NAAA: variants seen among roughly 807,000 people sequenced by gnomAD.
The protein encoded by NAAA is N-acylethanolamine acid amidase.
NAAA carries 39 observed loss-of-function variants against 44.8 expected under a neutral mutation model. The ratio of observed to expected loss-of-function variants is 0.87; its 90% confidence interval spans 0.67 to 1.14. NAAA has a LOEUF of 1.14. Ranked by LOEUF, NAAA falls within the 50% of genes most tolerant of loss-of-function variation. NAAA has a pLI of 0.00. For missense variants in NAAA, 460 were observed against 467.8 expected (o/e 0.98, Z 0.15); for synonymous variants, 178 against 191.3 (o/e 0.93, Z 0.58).
chr4:75,929,603 C>T (rs2149270516), intron 4 of NAAA, among the ~76,000 whole-genome samples: 1 of 152,220 alleles, frequency 6.6e-6, no homozygotes, highest in East Asian at 1.9e-4. Flanking sequence ...TAATTATAGG[C>T]ATTCTATTAA....
At chr4:75,911,737 C>T (rs1280831972), downstream of NAAA, among the ~76,000 whole-genome samples, 1 of 152,124 alleles carries the variant, frequency 6.6e-6, no homozygotes, top group Non-Finnish European at 1.5e-5. Context: ...TTGGGGAAGT[C>T]ACAAATCTTT....
At chr4:75,934,526 A>G (rs1727537882) in intron 3 of NAAA, among the ~76,000 whole-genome samples, 1 of 145,888 alleles carries the variant, frequency 6.9e-6, no homozygotes, top group East Asian at 2.0e-4. Context: ...ACGGGGTTTC[A>G]CCACATTGGC....
chr4:75,914,831 C>A lies in NAAA; in HGVS notation c.*36+37G>T, dbSNP rs570827001. Reference sequence around the variant, plus strand: ...TCTGTAAGAAATACCAGCACACACCCACCTCACCCCCTCTCCACAAAACAG... The same window carrying A: ...TCTGTAAGAAATACCAGCACACACCAACCTCACCCCCTCTCCACAAAACAG... On this transcript the variant is annotated intron_variant, in intron 10 of 10. Coordinates refer to ENST00000286733, the MANE Select transcript of NAAA (RefSeq NM_014435.4). 2.5e-4 allele frequency: 365 copies of A among 1,483,372 alleles called. 3 individuals carry two copies. The South Asian group carries it at 3.7e-3, about 15-fold the overall frequency. The allele number at this position is 1,483,372 out of a possible 1,614,324, so 91.9% of individuals were successfully genotyped here.
At chr4:75,925,896 T>C in intron 4 of NAAA, 85 bp from the exon 5 acceptor site, 2 of 1,287,942 alleles carry the variant, frequency 1.6e-6, no homozygotes, top group Non-Finnish European at 2.2e-6. Context: ...CAAGGAAATA[T>C]AGAGAGATAT....
At chr4:75,920,539 G>A (rs774749431) in intron 7 of NAAA, among the ~76,000 whole-genome samples, 199 bp downstream of exon 7, 8 of 152,008 alleles carry the variant, frequency 5.3e-5, no homozygotes, top group Non-Finnish European at 7.4e-5. Context: ...CCCAACACCC[G>A]CCCAGCTGCT....
At chr4:75,915,739 C>G (rs1462762637) in intron 9 of NAAA, among the ~76,000 whole-genome samples, 1 of 152,182 alleles carries the variant, frequency 6.6e-6, no homozygotes, top group African/African-American at 2.4e-5. Context: ...AGGAGGGCCT[C>G]TAAAGCTCCA....
intron 2 of NAAA, 116 bp from the exon 3 acceptor site, chr4:75,936,351 T>C (rs1251910058): frequency 8.9e-7 from 1 of 1,125,512 alleles, no homozygotes; most frequent in Non-Finnish European, 1.3e-6. Context: ...TCCTTATAAC[T>C]GATATATGTG....
chr4:75,926,882 T>C (rs1396735259), intron 4 of NAAA, among the ~76,000 whole-genome samples: 1 of 152,036 alleles, frequency 6.6e-6, no homozygotes, highest in Non-Finnish European at 1.5e-5. Flanking sequence ...CACATGCCTG[T>C]AGTCCCAGCT....
At chr4:75,938,703 G>C (rs1359140159) in intron 2 of NAAA, among the ~76,000 whole-genome samples, 4 of 152,194 alleles carry the variant, frequency 2.6e-5, no homozygotes, top group Non-Finnish European at 5.9e-5. Context: ...AAGCTAGTCT[G>C]CTGGCAAAAC....
intron 4 of NAAA, among the ~76,000 whole-genome samples, chr4:75,928,488 T>TGG (rs1726934814): frequency 6.6e-6 from 1 of 152,166 alleles, no homozygotes; most frequent in African/African-American, 2.4e-5. Context: ...GGTGCCATTT[T>TGG]CTGAGACATG....
intron 5 of NAAA, among the ~76,000 whole-genome samples, chr4:75,922,151 T>A (rs1395298298): frequency 6.6e-6 from 1 of 152,122 alleles, no homozygotes; most frequent in Non-Finnish European, 1.5e-5. Context: ...TATTGGTGTC[T>A]GCAAAGGCTC....
chr4:75,918,700 CGTGA>C, intron 9 of NAAA, 57 bp downstream of exon 9: 3 of 1,562,612 alleles, frequency 1.9e-6, no homozygotes, highest in Non-Finnish European at 2.6e-6. Flanking sequence ...CCAAACAGTA[CGTGA>C]GTGAGTTCAC....
chr4:75,939,979 C>T, intron 2 of NAAA, 22 bp downstream of exon 2: 2 of 1,611,062 alleles, frequency 1.2e-6, no homozygotes, highest in Non-Finnish European at 1.7e-6. Context: ...CGCGTTACTC[C>T]GCGCGGGCTT....
intron 3 of NAAA, chr4:75,935,880 G>GAAA (rs768573148): frequency 2.9e-5 from 17 of 590,846 alleles, no homozygotes; most frequent in Non-Finnish European, 4.7e-5. Context: ...TTTCCCTATG[G>GAAA]AAAACTGGGT....
intron 3 of NAAA, among the ~76,000 whole-genome samples, chr4:75,931,509 A>G (rs1727229703): frequency 6.6e-6 from 1 of 151,994 alleles, no homozygotes; most frequent in African/African-American, 2.4e-5. Flanking sequence ...ATTTTAGTAG[A>G]TTTGTGACCT....
At chr4:75,938,961 T>C (rs535013976) in intron 2 of NAAA, among the ~76,000 whole-genome samples, 4 of 152,310 alleles carry the variant, frequency 2.6e-5, no homozygotes, top group African/African-American at 9.6e-5. Context: ...GTGATTCTCC[T>C]GCCTCGGCCT....
At chr4:75,918,145 A>C (rs2149245886) in intron 9 of NAAA, among the ~76,000 whole-genome samples, 1 of 152,298 alleles carries the variant, frequency 6.6e-6, no homozygotes, top group Admixed American at 6.5e-5. Context: ...ATGGAAGGCC[A>C]AGTTTGAATT....
intron 5 of NAAA, among the ~76,000 whole-genome samples, chr4:75,923,797 C>G (rs1726398680): frequency 6.6e-6 from 1 of 152,170 alleles, no homozygotes; most frequent in Non-Finnish European, 1.5e-5. Flanking sequence ...CTCGGCCTCC[C>G]AAAGTGCTGG....
At chr4:75,937,490 T>C (rs1412067639) in intron 2 of NAAA, among the ~76,000 whole-genome samples, 1 of 11,866 alleles carries the variant, frequency 8.4e-5, no homozygotes, top group African/African-American at 2.9e-4. Flanking sequence ...GTTTCTGTTA[T>C]TTATTTATTT....
Sources: gnomAD v4.1 joint callset for allele counts (sites outside exome capture counted in the v4.1 genomes callset) on GRCh38, gnomAD v4.1.1 for gene constraint, MANE v1.5 for transcripts, NCBI Gene and HGNC (gene_info 2026-07-23, HGNC 2026-07-21) for gene names.